NTM: variants seen among roughly 807,000 people sequenced by gnomAD.
NTM encodes neurotrimin.
A neutral mutation model predicts 42.1 loss-of-function variants in NTM; 13 were observed. That is an observed-to-expected ratio of 0.31 (90% CI 0.20 to 0.49). The LOEUF (loss-of-function observed/expected upper bound fraction) is 0.49, where lower values mean the gene tolerates loss of function less well. Among genes scored for constraint, NTM ranks in the 20% least tolerant of loss-of-function variants. The pLI is 0.99. For missense variants in NTM, 373 were observed against 452.8 expected, an observed-to-expected ratio of 0.82 and a Z score of 1.60; for synonymous variants, 187 against 179.2, an observed-to-expected ratio of 1.04 and a Z score of -0.35.
At chr11:132,035,924 C>A (rs1011331747) in intron 2 of NTM, among the ~76,000 whole-genome samples, 16 of 152,260 alleles carry the variant, frequency 1.1e-4, no homozygotes, top group Admixed American at 5.2e-4. Flanking sequence ...CCTTATCTCT[C>A]CGTGAGTGTG....
At chr11:131,625,314 T>G (rs1276874295) in intron 1 of NTM, among the ~76,000 whole-genome samples, 1 of 152,160 alleles carries the variant, frequency 6.6e-6, no homozygotes, top group Non-Finnish European at 1.5e-5. Context: ...TATGGACCCC[T>G]CTGAGCAAGG....
chr11:131,740,360 TACTC>T (rs1215164844), intron 1 of NTM, among the ~76,000 whole-genome samples: 1 of 152,198 alleles, frequency 6.6e-6, no homozygotes, highest in Non-Finnish European at 1.5e-5. Context: ...ACAAAATGAA[TACTC>T]ACAATGAACG....
At chr11:131,686,519 A>G (rs1409197042) in intron 1 of NTM, among the ~76,000 whole-genome samples, 1 of 152,196 alleles carries the variant, frequency 6.6e-6, no homozygotes, top group Non-Finnish European at 1.5e-5. Context: ...CTGAGGAGGA[A>G]GAGGAGGAGG....
chr11:132,081,397 C>G (rs1440280818), intron 2 of NTM, among the ~76,000 whole-genome samples: 1 of 152,068 alleles, frequency 6.6e-6, no homozygotes, highest in South Asian at 2.1e-4. Flanking sequence ...GTAGTAAGAC[C>G]TTTTTTCCTA....
chr11:131,542,284 C>A (rs536266010), intron 1 of NTM, among the ~76,000 whole-genome samples: 2 of 152,262 alleles, frequency 1.3e-5, no homozygotes, highest in South Asian at 4.2e-4. Flanking sequence ...TTTCCAAGTG[C>A]CTAACAGGTC....
Position 132,176,659 on chromosome 11 carries a change from G to A in NTM, c.400+30145G>A, listed in dbSNP as rs1017042982. On this transcript the variant is annotated intron_variant, in intron 3 of 8. Coordinates refer to ENST00000683400, the MANE Select transcript of NTM (RefSeq NM_001352005.2). The stretch of plus-strand genomic sequence containing the variant: ...TGTTATTATATTCATATATTTCTTA[G>A]TATTCTGGGGGTGAGGAAGGATTTT... Among the ~76,000 whole-genome samples, 7 of 147,262 alleles carry A rather than the reference G, an allele frequency of 4.8e-5. No individual in the cohort carries two copies. In the South Asian group the frequency reaches 8.6e-4, roughly 18 times the overall value.
At chr11:132,157,592 T>C (rs1439619879) in intron 3 of NTM, among the ~76,000 whole-genome samples, 2 of 152,232 alleles carry the variant, frequency 1.3e-5, no homozygotes, top group East Asian at 3.9e-4. Flanking sequence ...GAGATTTGGT[T>C]TGTGAATGTG....
chr11:131,441,716 A>T (rs997897513), intron 1 of NTM, among the ~76,000 whole-genome samples: 34 of 152,172 alleles, frequency 2.2e-4, no homozygotes, highest in African/African-American at 8.2e-4. Flanking sequence ...AATTTGTCCT[A>T]AGGCACCAAC....
intron 1 of NTM, among the ~76,000 whole-genome samples, chr11:131,526,346 T>C (rs940181533): frequency 6.6e-6 from 1 of 152,198 alleles, no homozygotes; most frequent in Non-Finnish European, 1.5e-5. Flanking sequence ...TCCACAGTGG[T>C]ACTCACAGTA....
At chr11:131,698,419 T>A (rs2075715453) in intron 1 of NTM, among the ~76,000 whole-genome samples, 1 of 152,224 alleles carries the variant, frequency 6.6e-6, no homozygotes, top group Non-Finnish European at 1.5e-5. Context: ...TGACATTGAC[T>A]GAGCCCTTGT....
At chr11:132,021,621 G>A (rs2074349489) in intron 2 of NTM, among the ~76,000 whole-genome samples, 1 of 152,094 alleles carries the variant, frequency 6.6e-6, no homozygotes, top group East Asian at 1.9e-4. Context: ...AGTCACTAAT[G>A]TCTTAGGGAT....
chr11:131,787,674 G>T (rs1418788154), intron 1 of NTM, among the ~76,000 whole-genome samples: 1 of 152,072 alleles, frequency 6.6e-6, no homozygotes, highest in Non-Finnish European at 1.5e-5. Flanking sequence ...GAGCCACGGC[G>T]CTCGGCCAAT....
At chr11:132,126,425 G>A (rs1297665832) in intron 2 of NTM, among the ~76,000 whole-genome samples, 1 of 152,082 alleles carries the variant, frequency 6.6e-6, no homozygotes, top group Non-Finnish European at 1.5e-5. Flanking sequence ...GTGATAAGTG[G>A]GGGCTGAGCT....
chr11:131,837,019 C>T (rs1270888126), intron 1 of NTM, among the ~76,000 whole-genome samples: 1 of 152,132 alleles, frequency 6.6e-6, no homozygotes, highest in Non-Finnish European at 1.5e-5. Flanking sequence ...CTCAAGTACA[C>T]ATAAGCTATG....
intron 2 of NTM, among the ~76,000 whole-genome samples, chr11:132,071,459 G>T (rs115697672): frequency 1.1e-3 from 166 of 152,350 alleles, no homozygotes; most frequent in African/African-American, 3.8e-3. Flanking sequence ...AGCCCTTGAT[G>T]CCTGTGTATC....
At chr11:131,505,683 C>T (rs1868309) in intron 1 of NTM, among the ~76,000 whole-genome samples, 18,251 of 152,112 alleles carry the variant, frequency 0.12, 1,305 homozygotes, top group East Asian at 0.24. Flanking sequence ...TTCACACTCA[C>T]GCACATGCTC....
intron 2 of NTM, among the ~76,000 whole-genome samples, chr11:132,029,172 G>T (rs1404399705): frequency 6.6e-6 from 1 of 151,924 alleles, no homozygotes; most frequent in African/African-American, 2.4e-5. Context: ...GTTTTGCTCT[G>T]TGACATCTCT....
intron 1 of NTM, among the ~76,000 whole-genome samples, chr11:131,906,965 C>T (rs191142956): frequency 2.2e-4 from 34 of 152,276 alleles, no homozygotes; most frequent in Admixed American, 5.2e-4. Flanking sequence ...TTTTCCAGTT[C>T]CCAGCCCTTC....
At chr11:132,204,269 G>C (rs61045048) in intron 3 of NTM, among the ~76,000 whole-genome samples, 7,821 of 152,244 alleles carry the variant, frequency 0.051, 365 homozygotes, top group East Asian at 0.13. Context: ...CAGTCCTTGG[G>C]GGCAATTTAA....
Sources: gnomAD v4.1 joint callset for allele counts (sites outside exome capture counted in the v4.1 genomes callset) on GRCh38, gnomAD v4.1.1 for gene constraint, MANE v1.5 for transcripts, NCBI Gene and HGNC (gene_info 2026-07-23, HGNC 2026-07-21) for gene names.